The following PTCHD4 variants were observed in gnomAD, a reference collection of about 807,000 sequenced individuals.
The protein encoded by PTCHD4 is patched domain-containing protein 4.
A neutral mutation model predicts 58.1 loss-of-function variants in PTCHD4; 33 were observed. The observed-to-expected ratio is 0.57, with a 90% CI of 0.43 to 0.76. The LOEUF is 0.76. PTCHD4 is among the 30% of genes least tolerant of loss of function. PTCHD4 has a pLI of 0.00. For synonymous variants in PTCHD4, 478 were observed against 409.6 expected (o/e 1.17, Z -2.02); for missense variants, 1,058 against 1,027.1 (o/e 1.03, Z -0.41).
intron 4 of PTCHD4, among the ~76,000 whole-genome samples, chr6:47,891,283 G>C (rs935347394): frequency 1.3e-5 from 2 of 149,428 alleles, no homozygotes; most frequent in East Asian, 2.0e-4. Flanking sequence ...GCTGGGTGCT[G>C]TCAAGTAGGC....
intron 1 of PTCHD4, among the ~76,000 whole-genome samples, chr6:48,074,664 A>T (rs780918952): frequency 6.6e-6 from 1 of 151,794 alleles, no homozygotes; most frequent in African/African-American, 2.4e-5. Flanking sequence ...GTTTATGCAG[A>T]GTTTGTTTTG....
chr6:47,863,094 C>T lies in PTCHD4; in HGVS notation c.*15209G>A, dbSNP rs1763470986. ...TTCTCTGGGCATTCATTGTACTTAA[C>T]TTTTTACTTAAGAGTTGGTATTTAT... On this transcript the variant is annotated 3_prime_UTR_variant, in exon 5 of 5. Coordinates refer to ENST00000339488, the MANE Select transcript of PTCHD4 (RefSeq NM_001384253.1). Among the ~76,000 whole-genome samples, 1 of 151,792 alleles carries T rather than the reference C, an allele frequency of 6.6e-6. No homozygotes were observed. The highest frequency in any genetic ancestry group is 1.5e-5 in the Non-Finnish European group (1 of 67,854).
intron 4 of PTCHD4, among the ~76,000 whole-genome samples, chr6:48,007,553 T>C (rs920826880): frequency 1.3e-5 from 2 of 152,218 alleles, no homozygotes; most frequent in Non-Finnish European, 2.9e-5. Flanking sequence ...ATAGGACATA[T>C]ATTACAATCC....
At chr6:47,914,525 T>G (rs1219598777) in intron 4 of PTCHD4, among the ~76,000 whole-genome samples, 2 of 151,982 alleles carry the variant, frequency 1.3e-5, no homozygotes, top group African/African-American at 4.8e-5. Flanking sequence ...CCATTGTCTC[T>G]CCTAGGTATT....
chr6:48,010,892 T>C (rs1205610905), intron 3 of PTCHD4, among the ~76,000 whole-genome samples: 2 of 151,994 alleles, frequency 1.3e-5, no homozygotes, highest in Non-Finnish European at 2.9e-5. Flanking sequence ...TCCAGCTTCA[T>C]CCAAAGGACA....
At chr6:47,962,829 C>CAAA (rs200073541) in intron 4 of PTCHD4, among the ~76,000 whole-genome samples, 1 of 113,352 alleles carries the variant, frequency 8.8e-6, no homozygotes, top group Non-Finnish European at 1.9e-5. Context: ...TACAACTCAG[C>CAAA]AAAAAAAAAA....
intron 1 of PTCHD4, among the ~76,000 whole-genome samples, chr6:48,088,769 T>C (rs1387781382): frequency 3.3e-5 from 5 of 152,038 alleles, no homozygotes; most frequent in Non-Finnish European, 1.5e-5. Flanking sequence ...GATGGCCAGG[T>C]GCAGTAGCTC....
intron 1 of PTCHD4, among the ~76,000 whole-genome samples, chr6:48,104,343 G>C (rs1765674257): frequency 6.6e-6 from 1 of 152,160 alleles, no homozygotes. Flanking sequence ...TTCATTTCCA[G>C]CCAAACTAAG....
chr6:48,071,338 T>A (rs1562039521), intron 1 of PTCHD4, among the ~76,000 whole-genome samples: 1 of 152,194 alleles, frequency 6.6e-6, no homozygotes, highest in African/African-American at 2.4e-5. Context: ...TAAATGTAAA[T>A]CATGTTGTAG....
At chr6:47,929,209 A>C (rs1765728502) in intron 4 of PTCHD4, among the ~76,000 whole-genome samples, 1 of 152,234 alleles carries the variant, frequency 6.6e-6, no homozygotes, top group Non-Finnish European at 1.5e-5. Context: ...AAAATAATCC[A>C]CATGTAAAAG....
intron 1 of PTCHD4, among the ~76,000 whole-genome samples, chr6:48,109,079 T>G (rs1765807971): frequency 6.6e-6 from 1 of 152,098 alleles, no homozygotes; most frequent in African/African-American, 2.4e-5. Flanking sequence ...GAAAATGAAG[T>G]AAAATACCTT....
intron 3 of PTCHD4, among the ~76,000 whole-genome samples, chr6:48,035,103 TC>T (rs1343845734): frequency 6.6e-6 from 1 of 152,132 alleles, no homozygotes; most frequent in African/African-American, 2.4e-5. Flanking sequence ...AATTATATTT[TC>T]CCCTTTTATT....
intron 4 of PTCHD4, among the ~76,000 whole-genome samples, chr6:47,930,063 GC>G (rs1249945211): frequency 6.6e-6 from 1 of 152,166 alleles, no homozygotes; most frequent in Non-Finnish European, 1.5e-5. Flanking sequence ...TGACTTTCAT[GC>G]CCTTTGGTTA....
chr6:48,052,702 C>T (rs1376833163), intron 3 of PTCHD4, among the ~76,000 whole-genome samples: 1 of 151,898 alleles, frequency 6.6e-6, no homozygotes, highest in Non-Finnish European at 1.5e-5. Context: ...AGTGCTTTTG[C>T]CTTTCTGTCA....
At chr6:47,921,999 C>A (rs1158929594) in intron 4 of PTCHD4, among the ~76,000 whole-genome samples, 1 of 150,272 alleles carries the variant, frequency 6.7e-6, no homozygotes, top group Non-Finnish European at 1.5e-5. Context: ...ACTAGCCAGG[C>A]ATGGTGGTGC....
intron 4 of PTCHD4, among the ~76,000 whole-genome samples, chr6:47,925,006 A>G (rs996383981): frequency 2.9e-4 from 43 of 149,476 alleles, no homozygotes; most frequent in African/African-American, 1.0e-3. Context: ...CTTTTAATAT[A>G]TATGTATATA....
At chr6:48,059,283 T>A (rs901029958) in intron 3 of PTCHD4, among the ~76,000 whole-genome samples, 14 of 152,198 alleles carry the variant, frequency 9.2e-5, no homozygotes. Context: ...TAAGGTATTA[T>A]GAGCTGATTT....
intron 1 of PTCHD4, among the ~76,000 whole-genome samples, chr6:48,094,936 A>G (rs1765432980): frequency 6.6e-6 from 1 of 152,206 alleles, no homozygotes; most frequent in Non-Finnish European, 1.5e-5. Context: ...TACTTATGTA[A>G]AACTCTAGAA....
At chr6:47,960,193 G>A (rs1162507514) in intron 4 of PTCHD4, among the ~76,000 whole-genome samples, 1 of 152,028 alleles carries the variant, frequency 6.6e-6, no homozygotes, top group Non-Finnish European at 1.5e-5. Flanking sequence ...ACGCACTTAA[G>A]TAATAATAAA....
Sources: gnomAD v4.1 joint callset for allele counts (sites outside exome capture counted in the v4.1 genomes callset) on GRCh38, gnomAD v4.1.1 for gene constraint, MANE v1.5 for transcripts, NCBI Gene and HGNC (gene_info 2026-07-23, HGNC 2026-07-21) for gene names.